The following FEZ2 variants were observed in gnomAD, a reference collection of about 807,000 sequenced individuals.
FEZ2 encodes the protein fasciculation and elongation protein zeta-2.
FEZ2 carries 51 observed loss-of-function variants against 40.4 expected under a neutral mutation model. That is an observed-to-expected ratio of 1.26 (90% CI 1.01 to 1.59). The LOEUF is 1.59. FEZ2 is among the 40% of genes most tolerant of loss of function. The pLI, the probability that FEZ2 is intolerant of heterozygous loss-of-function variation, is 0.00. For missense variants in FEZ2, 640 were observed against 438.3 expected (o/e 1.46, Z -4.11); for synonymous variants, 242 against 172.0 (o/e 1.41, Z -3.18).
intron 5 of FEZ2, among the ~76,000 whole-genome samples, chr2:36,570,785 T>C (rs1180856091): frequency 1.3e-5 from 2 of 152,162 alleles, no homozygotes; most frequent in Non-Finnish European, 2.9e-5. Context: ...TAAATATAGA[T>C]AAACATAGAA....
intron 5 of FEZ2, chr2:36,560,947 C>T (rs1668077526): frequency 5.1e-6 from 4 of 786,176 alleles, no homozygotes; most frequent in South Asian, 3.9e-5. Context: ...ACCATGATGA[C>T]TTATGTGCCC....
chr2:36,594,806 C>T (rs1484001526), intron 1 of FEZ2, among the ~76,000 whole-genome samples: 1 of 152,148 alleles, frequency 6.6e-6, no homozygotes, highest in Non-Finnish European at 1.5e-5. Context: ...TTAAACAAGG[C>T]TATAAGAAAA....
intron 2 of FEZ2, among the ~76,000 whole-genome samples, chr2:36,588,098 G>A (rs151188644): frequency 0.011 from 1,650 of 151,942 alleles, 32 homozygotes; most frequent in African/African-American, 0.038. Context: ...GCGTGATCTC[G>A]GCGCACTGCA....
rs189324753 is a variant in FEZ2 at position 36,579,143 on chromosome 2, T to C, written c.635-278A>G. On this transcript the variant is annotated intron_variant, in intron 4 of 7. Transcript: ENST00000405912. Reference sequence around the variant, plus strand: ...AGTTTTTACTTGTGCAAATAAATCATTGCATGAATAATACTTCAGTCAAGA... The same window carrying C: ...AGTTTTTACTTGTGCAAATAAATCACTGCATGAATAATACTTCAGTCAAGA... 1.8e-3 allele frequency: 680 copies of C among 369,238 alleles called. 4 individuals carry two copies. The highest frequency in any genetic ancestry group is 2.6e-3 in the Non-Finnish European group (542 of 206,638). The allele number at this position is 369,238 out of a possible 1,614,324, so 22.9% of individuals were successfully genotyped here.
rs550321564 is a variant in FEZ2 at position 36,597,753 on chromosome 2, A to C, written c.266+124T>G. 3.0e-4 allele frequency: 200 copies of C among 669,782 alleles called. 1 individual carries two copies. In the African/African-American group the frequency reaches 3.4e-3, roughly 11 times the overall value. 41.5% of individuals were successfully genotyped at this position (669,782 alleles called of 1,614,324 possible). A position where few individuals can be genotyped will look rare whatever the true frequency, so the allele number is the denominator to read the frequency against. ...CCGACGGCCGGAGGAAGGAGGCGAG[A>C]GGGCGGGGACTCCCGCGTCCGGGCG... On this transcript the variant is annotated intron_variant, in intron 1 of 7. Transcript: ENST00000405912.
At chr2:36,595,966 C>A (rs1370903328) in intron 1 of FEZ2, among the ~76,000 whole-genome samples, 5 of 152,184 alleles carry the variant, frequency 3.3e-5, no homozygotes, top group Non-Finnish European at 7.3e-5. Flanking sequence ...TTTAAGTCAG[C>A]TACTCTTGAA....
Position 36,597,983 on chromosome 2 carries a change from A to C in FEZ2, c.160T>G (p.Leu54Val). The C allele has an allele frequency of 6.7e-7, 1 of 1,492,742 alleles. No homozygotes were observed. The highest frequency in any genetic ancestry group is 1.2e-5 in the South Asian group (1 of 80,360). 92.5% of individuals were successfully genotyped at this position (1,492,742 alleles called of 1,614,324 possible). ...ADGFPAPACS[L>V]EEKLSLCFRP... ...AAGCACAGGCTCAGCTTCTCCTCCA[A>C]GCTGCAGGCCGGGGCCGGGAAACCG... is the stretch of plus-strand genomic sequence containing the variant. Residue 54 changes from leucine (L) to valine (V), a missense_variant, in exon 1 of 8, where the codon TTG (leucine) becomes GTG (valine). Transcript: ENST00000405912.
intron 2 of FEZ2, chr2:36,583,992 A>T (rs1048836847): frequency 1.3e-5 from 2 of 152,766 alleles, no homozygotes; most frequent in African/African-American, 4.8e-5. Flanking sequence ...TTCCAAAAAC[A>T]TCTTTAAACC....
intron 2 of FEZ2, among the ~76,000 whole-genome samples, chr2:36,585,885 T>C (rs76295998): frequency 5.3e-5 from 8 of 152,224 alleles, no homozygotes; most frequent in South Asian, 2.1e-4. Context: ...AAGTCTAAAA[T>C]TGAGAAAATA....
At chr2:36,591,269 T>C (rs1278831022) in intron 1 of FEZ2, 2 of 476,148 alleles carry the variant, frequency 4.2e-6, no homozygotes, top group Admixed American at 7.2e-5. Flanking sequence ...TAGGCAACAC[T>C]TCCATTATAT....
chr2:36,591,082 G>A, intron 1 of FEZ2, 71 bp from the exon 2 acceptor site: 5 of 923,472 alleles, frequency 5.4e-6, no homozygotes, highest in Non-Finnish European at 8.8e-6. Context: ...AATATTCAGT[G>A]AAAGATGAAC....
At chr2:36,589,037 C>T (rs1668992340) in intron 2 of FEZ2, among the ~76,000 whole-genome samples, 1 of 152,080 alleles carries the variant, frequency 6.6e-6, no homozygotes, top group African/African-American at 2.4e-5. Context: ...TTTTTTAAAA[C>T]CTTTCTATCA....
At chr2:36,594,105 T>C (rs1242753622) in intron 1 of FEZ2, among the ~76,000 whole-genome samples, 1 of 151,992 alleles carries the variant, frequency 6.6e-6, no homozygotes, top group Non-Finnish European at 1.5e-5. Context: ...TCCCAACAAC[T>C]TCCTCATCTC....
intron 6 of FEZ2, chr2:36,556,528 TACG>T (rs1315474931): frequency 6.6e-6 from 1 of 152,310 alleles, no homozygotes; most frequent in Non-Finnish European, 1.5e-5. Context: ...TCCCCACCAA[TACG>T]ACAAGGCAAA....
chr2:36,591,100 G>A (rs1669059725), intron 1 of FEZ2, 89 bp from the exon 2 acceptor site: 1 of 804,876 alleles, frequency 1.2e-6, no homozygotes. Context: ...AACAGCAAAT[G>A]TCAAAGGAAA....
chr2:36,566,294 C>A (rs559653872), intron 5 of FEZ2, among the ~76,000 whole-genome samples: 1 of 150,644 alleles, frequency 6.6e-6, no homozygotes, highest in Non-Finnish European at 1.5e-5. Context: ...GAGCCGAGAT[C>A]GCGCCACTGC....
At chr2:36,583,572 C>T (rs1668819692) in intron 2 of FEZ2, 103 bp from the exon 3 acceptor site, 1 of 669,306 alleles carries the variant, frequency 1.5e-6, no homozygotes, top group East Asian at 2.6e-5. Context: ...CTACTAAGAG[C>T]CTTCCCTCAA....
At chr2:36,580,248 C>T (rs112194821) in intron 4 of FEZ2, among the ~76,000 whole-genome samples, 2,231 of 152,298 alleles carry the variant, frequency 0.015, 60 homozygotes, top group African/African-American at 0.05. Context: ...CACTGTTTAG[C>T]CCATACCTAC....
Position 36,593,225 on chromosome 2 carries a change from A to G in FEZ2, c.267-2214T>C, listed in dbSNP as rs190859265. On this transcript the variant is annotated intron_variant, in intron 1 of 7. Transcript: ENST00000405912. The stretch of plus-strand genomic sequence containing the variant: ...TGGTGGGAGACAAAAGGCACTTCTT[A>G]CATGGTGGCAGCAAGAGAAAAGGAG... Among the ~76,000 whole-genome samples, 238 of 151,732 alleles carry G rather than the reference A, an allele frequency of 1.6e-3. 10 individuals carry two copies. The East Asian group carries it at 0.043, about 27-fold the overall frequency.
Sources: gnomAD v4.1 joint callset for allele counts (sites outside exome capture counted in the v4.1 genomes callset) on GRCh38, gnomAD v4.1.1 for gene constraint, MANE v1.5 for transcripts, NCBI Gene and HGNC (gene_info 2026-07-23, HGNC 2026-07-21) for gene names.